Variants in ADAM23 observed in about 807,000 individuals in gnomAD.
The protein encoded by ADAM23 is ADAM metallopeptidase domain 23.
A neutral mutation model predicts 120.1 loss-of-function variants in ADAM23; 33 were observed. The ratio of observed to expected loss-of-function variants is 0.27; its 90% confidence interval spans 0.21 to 0.37. The LOEUF is 0.37. Ranked by LOEUF, ADAM23 falls within the 10% of genes least tolerant of loss-of-function variation. The pLI, the probability that ADAM23 is intolerant of heterozygous loss-of-function variation, is 1.00. For missense variants in ADAM23, 862 were observed against 1,058.2 expected (o/e 0.81, Z 2.57); for synonymous variants, 367 against 375.2 (o/e 0.98, Z 0.25).
Position 206,519,981 on chromosome 2 carries a change from T to C in ADAM23, c.510-10904T>C, listed in dbSNP as rs547427616. 6.6e-5 allele frequency among the ~76,000 whole-genome samples: 10 copies of C among 152,248 alleles called. No homozygotes were observed. In the East Asian group the frequency reaches 1.4e-3, roughly 21 times the overall value. Reference sequence around the variant, plus strand: ...TGTGGGTCGTGATATTTCTACCACCTTCTAGCCTGGGTAACAGAGCAAGAG... The same window carrying C: ...TGTGGGTCGTGATATTTCTACCACCCTCTAGCCTGGGTAACAGAGCAAGAG... On this transcript the variant is annotated intron_variant, in intron 3 of 25. Transcript: ENST00000264377.
At chr2:206,447,512 G>C (rs1243131756) in intron 2 of ADAM23, among the ~76,000 whole-genome samples, 1 of 152,132 alleles carries the variant, frequency 6.6e-6, no homozygotes, top group Non-Finnish European at 1.5e-5. Context: ...GTTGTTTGGT[G>C]GGTGCCTTGA....
In ADAM23 at chr2:206,557,493, GA is replaced by G; in HGVS notation, c.1001del (p.Asp334ValfsTer17). ...TGCAAAGTCCGTGGTCAACCTTGTGGATTCTGTAAGTATCCTGGTTTTCTTG... is the reference window on the plus strand; with the variant it reads ...TGCAAAGTCCGTGGTCAACCTTGTGGTTCTGTAAGTATCCTGGTTTTCTTG... ...NFAKSVVNLVDSIYKEQLNTR... is the reference protein window; with the variant it reads ...NFAKSVVNLVXSIYKEQLNTR... On this transcript the variant is annotated frameshift_variant, in exon 10 of 26. Coordinates refer to ENST00000264377, the MANE Select transcript of ADAM23 (RefSeq NM_003812.4). LOFTEE classifies it high-confidence loss of function. The G allele has an allele frequency of 6.2e-7, 1 of 1,610,582 alleles. No individual in the cohort carries two copies. The highest frequency in any genetic ancestry group is 8.5e-7 in the Non-Finnish European group (1 of 1,176,830).
intron 2 of ADAM23, among the ~76,000 whole-genome samples, chr2:206,467,291 T>C (rs1015401994): frequency 6.6e-6 from 1 of 152,226 alleles, no homozygotes. Flanking sequence ...TAGTCCCTTC[T>C]GCCTATGCAC....
intron 3 of ADAM23, among the ~76,000 whole-genome samples, chr2:206,530,430 G>A (rs1232664275): frequency 6.6e-6 from 1 of 152,090 alleles, no homozygotes; most frequent in Non-Finnish European, 1.5e-5. Context: ...GCATAATTGT[G>A]GAATTTTTAT....
intron 8 of ADAM23, among the ~76,000 whole-genome samples, chr2:206,549,091 T>C (rs1414126736): frequency 6.6e-6 from 1 of 152,068 alleles, no homozygotes; most frequent in African/African-American, 2.4e-5. Flanking sequence ...CATTACATGG[T>C]AATTTACTAG....
At chr2:206,563,727 CTTTTTT>C (rs3084932) in intron 13 of ADAM23, among the ~76,000 whole-genome samples, 8,652 of 140,346 alleles carry the variant, frequency 0.062, 311 homozygotes, top group Middle Eastern at 0.13. Context: ...TCCTAAAATT[CTTTTTT>C]TTTTTTTTTT....
intron 4 of ADAM23, among the ~76,000 whole-genome samples, chr2:206,531,671 ACT>A (rs941640300): frequency 6.6e-6 from 1 of 152,112 alleles, no homozygotes; most frequent in East Asian, 1.9e-4. Context: ...ACAGAAAGAA[ACT>A]CTGACTTCTA....
intron 2 of ADAM23, among the ~76,000 whole-genome samples, chr2:206,477,921 T>TATAA (rs1695816932): frequency 7.3e-6 from 1 of 136,566 alleles, no homozygotes; most frequent in African/African-American, 2.7e-5. Context: ...TATATATATA[T>TATAA]AAAACAACAA....
In ADAM23 at chr2:206,557,348, A is replaced by T. The variant is rs549741074; in HGVS notation, c.934-79A>T. ...AATCCATATTTCTACTATTACTGAGATATTTCTGCTTTTACAGCATTTTGA... is the reference window on the plus strand; with the variant it reads ...AATCCATATTTCTACTATTACTGAGTTATTTCTGCTTTTACAGCATTTTGA... On this transcript the variant is annotated intron_variant, in intron 9 of 25. Transcript: ENST00000264377. 10 of 1,110,474 alleles carry T rather than the reference A, an allele frequency of 9.0e-6. No individual in the cohort carries two copies. The East Asian group carries it at 2.4e-4, about 26-fold the overall frequency. The allele number at this position is 1,110,474 out of a possible 1,614,324, so 68.8% of individuals were successfully genotyped here. A position where few individuals can be genotyped will look rare whatever the true frequency, so the allele number is the denominator to read the frequency against.
At chr2:206,451,953 A>G (rs562120350) in intron 2 of ADAM23, among the ~76,000 whole-genome samples, 15 of 152,236 alleles carry the variant, frequency 9.9e-5, no homozygotes, top group East Asian at 3.8e-4. Context: ...CAGAGCAGCA[A>G]TGACAACCAC....
intron 2 of ADAM23, among the ~76,000 whole-genome samples, chr2:206,467,305 T>C (rs1574482538): frequency 6.6e-6 from 1 of 152,128 alleles, no homozygotes; most frequent in South Asian, 2.1e-4. Context: ...TATGCACCTA[T>C]AAAATCAAAA....
At chr2:206,476,949 C>A (rs1021602756) in intron 2 of ADAM23, among the ~76,000 whole-genome samples, 1 of 152,144 alleles carries the variant, frequency 6.6e-6, no homozygotes, top group Non-Finnish European at 1.5e-5. Flanking sequence ...ATGTGTGAAA[C>A]ATAGTTGCAT....
In ADAM23 at chr2:206,620,673, A is replaced by G. The variant is rs1699038407; in HGVS notation, c.*3046A>G. ...TAATTAATGACACCCGGATGAGGAGACGTGCGCTAACTTCATTGCTCATCT... is the reference window on the plus strand; with the variant it reads ...TAATTAATGACACCCGGATGAGGAGGCGTGCGCTAACTTCATTGCTCATCT... On this transcript the variant is annotated 3_prime_UTR_variant, in exon 26 of 26. Coordinates refer to ENST00000264377, the MANE Select transcript of ADAM23 (RefSeq NM_003812.4). The G allele has an allele frequency of 6.6e-6, 1 of 152,074 alleles. No individual in the cohort carries two copies. Among genetic ancestry groups the G allele is most frequent in the South Asian group, 2.1e-4 (1 of 4,820 alleles). 9.4% of individuals were successfully genotyped at this position (152,074 alleles called of 1,614,324 possible).
chr2:206,508,911 C>A (rs898615622), intron 3 of ADAM23, among the ~76,000 whole-genome samples: 1 of 152,158 alleles, frequency 6.6e-6, no homozygotes, highest in Non-Finnish European at 1.5e-5. Flanking sequence ...ATTTTTCTCT[C>A]TGAGATCGCT....
intron 2 of ADAM23, among the ~76,000 whole-genome samples, chr2:206,479,857 CT>C (rs1354840110): frequency 1.3e-5 from 2 of 152,064 alleles, no homozygotes; most frequent in Non-Finnish European, 2.9e-5. Flanking sequence ...TGTTAATTTC[CT>C]TTTTACATTT....
At chr2:206,542,763 T>G (rs1341840287) in intron 5 of ADAM23, among the ~76,000 whole-genome samples, 1 of 152,204 alleles carries the variant, frequency 6.6e-6, no homozygotes, top group Non-Finnish European at 1.5e-5. Flanking sequence ...TACTGCTTGA[T>G]GGCAGTTCAG....
At chr2:206,504,227 T>A (rs1194043422) in intron 3 of ADAM23, among the ~76,000 whole-genome samples, 1 of 152,206 alleles carries the variant, frequency 6.6e-6, no homozygotes, top group African/African-American at 2.4e-5. Flanking sequence ...ATGTATTAGA[T>A]GTAATTTTAC....
chr2:206,530,982 T>TTTA, intron 4 of ADAM23, 34 bp downstream of exon 4: 1 of 1,583,772 alleles, frequency 6.3e-7, no homozygotes, highest in Non-Finnish European at 8.7e-7. Flanking sequence ...TACTCTAGTA[T>TTTA]AAGTGTGCTT....
Position 206,565,065 on chromosome 2 carries a change from CAG to C in ADAM23, c.1392_1393del (p.Ser467ProfsTer14), listed in dbSNP as rs771525490. 8 of 1,613,846 alleles carry C rather than the reference CAG, an allele frequency of 5.0e-6. No individual in the cohort carries two copies. Among genetic ancestry groups the C allele is most frequent in the South Asian group, 1.1e-5 (1 of 91,074 alleles). On this transcript the variant is annotated frameshift_variant and splice_region_variant, in exon 14 of 26. Transcript: ENST00000264377. LOFTEE classifies it high-confidence loss of function. ...TGGGGTGGCTGCATCATGGAGGAAA[CAG>C]GGTAAATTTTCATTATGCGTGCATT...
Sources: allele counts gnomAD v4.1 joint callset (sites outside exome capture counted in the v4.1 genomes callset), GRCh38; gene constraint gnomAD v4.1.1; transcripts MANE v1.5; gene names NCBI Gene and HGNC (gene_info 2026-07-23, HGNC 2026-07-21).